Variants in ZFHX3 observed in about 807,000 individuals in gnomAD.
ZFHX3 encodes zinc finger homeobox protein 3.
Under a neutral mutation model 279.1 loss-of-function variants are expected in ZFHX3, and 42 were observed. That is an observed-to-expected ratio of 0.15 (90% CI 0.12 to 0.19). The LOEUF (loss-of-function observed/expected upper bound fraction) is 0.19. Among genes scored for constraint, ZFHX3 ranks in the 10% least tolerant of loss-of-function variants. ZFHX3 has a pLI of 1.00. For missense variants in ZFHX3, 4,981 were observed against 4,754.0 expected (o/e 1.05, Z -1.40); for synonymous variants, 2,293 against 1,957.8 (o/e 1.17, Z -4.52).
intron 5 of ZFHX3, among the ~76,000 whole-genome samples, chr16:73,200,422 T>G (rs1968245243): frequency 6.6e-6 from 1 of 152,184 alleles, no homozygotes; most frequent in East Asian, 1.9e-4. Flanking sequence ...GAAGGAAAAT[T>G]TAATATTATC....
intron 4 of ZFHX3, among the ~76,000 whole-genome samples, chr16:72,873,877 A>C (rs1281780303): frequency 6.6e-6 from 1 of 152,216 alleles, no homozygotes; most frequent in Non-Finnish European, 1.5e-5. Context: ...ACAGATTTCC[A>C]CCACATAATC....
chr16:73,026,689 A>AAAAAAAAAAAAAAC (rs1555543115), intron 1 of ZFHX3, among the ~76,000 whole-genome samples: 3 of 150,724 alleles, frequency 2.0e-5, no homozygotes, highest in East Asian at 1.9e-4. Flanking sequence ...AAAAAAAAAA[A>AAAAAAAAAAAAAAC]AAAAAACACA....
At chr16:73,842,718 C>T (rs1014043687) in intron 1 of ZFHX3, among the ~76,000 whole-genome samples, 2 of 152,124 alleles carry the variant, frequency 1.3e-5, no homozygotes. Flanking sequence ...ATTCCAGGGA[C>T]CTAACACTTC....
At position 72,794,757 on chromosome 16, in the gene ZFHX3, T is replaced by C. The variant is rs905469813; in HGVS notation, c.7925A>G (p.Lys2642Arg). ...CGGTGTGATGGTTGTTCTCAAACGC[T>C]TGTCTCTCTGAGGCTCTTCTCCTCC... ...GTGGEEPQRD[K>R]RLRTTITPEQ... The change falls in exon 9 of 10, where the codon AAG (lysine) becomes AGG (arginine). Residue 2642 changes from lysine to arginine, a missense_variant. Around this residue, in one of 7 missense-constraint regions of ZFHX3, gnomAD observed 744 missense variants for 701.3 expected, o/e 1.06. Transcript: ENST00000268489. This position sits in a 1 kb window ranked among gnomAD's most constrained non-coding sequence, Gnocchi z 4.2. 1 of 1,614,220 alleles carries C rather than the reference T, an allele frequency of 6.2e-7. No individual in the cohort carries two copies. The highest frequency in any genetic ancestry group is 8.5e-7 in the Non-Finnish European group (1 of 1,180,034).
chr16:73,655,761 G>C (rs1360979290), intron 2 of ZFHX3, among the ~76,000 whole-genome samples: 1 of 152,096 alleles, frequency 6.6e-6, no homozygotes, highest in Non-Finnish European at 1.5e-5. Context: ...CACTTCTAGT[G>C]AGAGTATAAA....
chr16:73,685,427 G>C (rs1211042760), intron 1 of ZFHX3, among the ~76,000 whole-genome samples: 2 of 152,228 alleles, frequency 1.3e-5, no homozygotes, highest in Non-Finnish European at 2.9e-5. Context: ...AGCAGGCCAT[G>C]AGCCAAGGAA....
In ZFHX3 at chr16:72,976,022, T is replaced by C. The variant is rs937666386; in HGVS notation, c.-49-15828A>G. On this transcript the variant is annotated intron_variant, in intron 1 of 9. Transcript: ENST00000268489. ...GTTAGGTCTGGTCCCAGGGGAGAAA[T>C]TGCCAGCTCAAGTCATAAAATGTGA... Among the ~76,000 whole-genome samples the C allele has an allele frequency of 4.6e-5, 7 of 152,266 alleles. No individual in the cohort carries two copies. The Middle Eastern group carries it at 0.01, about 222-fold the overall frequency.
intron 1 of ZFHX3, among the ~76,000 whole-genome samples, chr16:73,732,318 C>T (rs1050014851): frequency 6.6e-6 from 1 of 152,170 alleles, no homozygotes; most frequent in Non-Finnish European, 1.5e-5. Context: ...GCCTAATGAT[C>T]CATGGAATTA....
At chr16:73,105,396 T>TATATATATATACACACACACACAC (rs1567389819) in intron 7 of ZFHX3, among the ~76,000 whole-genome samples, 13 of 33,080 alleles carry the variant, frequency 3.9e-4, no homozygotes, top group Non-Finnish European at 9.0e-4. Context: ...CACACACACA[T>TATATATATATACACACACACACAC]ATATATATAT....
At chr16:73,348,694 C>G (rs1264691536) in intron 3 of ZFHX3, among the ~76,000 whole-genome samples, 1 of 152,242 alleles carries the variant, frequency 6.6e-6, no homozygotes, top group Non-Finnish European at 1.5e-5. Flanking sequence ...CTCACACGTT[C>G]TTTGCACTGA....
intron 1 of ZFHX3, among the ~76,000 whole-genome samples, chr16:72,982,881 G>A (rs1440721098): frequency 1.3e-5 from 2 of 152,190 alleles, no homozygotes; most frequent in Non-Finnish European, 2.9e-5. Flanking sequence ...GATGTAATAA[G>A]CTGTCAACGT....
At chr16:73,298,755 G>A (rs1465985379) in intron 4 of ZFHX3, among the ~76,000 whole-genome samples, 1 of 152,102 alleles carries the variant, frequency 6.6e-6, no homozygotes, top group Non-Finnish European at 1.5e-5. Flanking sequence ...GGGAGATGCT[G>A]TAAGCAAAAG....
intron 1 of ZFHX3, among the ~76,000 whole-genome samples, chr16:72,994,969 T>C (rs1963230188): frequency 1.3e-5 from 2 of 152,126 alleles, no homozygotes; most frequent in Admixed American, 6.5e-5. Context: ...GTTAAGGTAA[T>C]CCAATTACAC....
chr16:72,872,544 G>A (rs572380136), intron 4 of ZFHX3, among the ~76,000 whole-genome samples: 7 of 152,208 alleles, frequency 4.6e-5, no homozygotes, highest in East Asian at 3.9e-4. Context: ...TGCAACCTCC[G>A]TCTCCCGGGT....
At chr16:73,196,432 C>A (rs1968150916) in intron 5 of ZFHX3, among the ~76,000 whole-genome samples, 1 of 151,944 alleles carries the variant, frequency 6.6e-6, no homozygotes, top group Admixed American at 6.6e-5. Flanking sequence ...CCTAGTGACG[C>A]CATATTTGTA....
At chr16:73,496,576 T>C (rs989061417) in intron 2 of ZFHX3, among the ~76,000 whole-genome samples, 21 of 152,156 alleles carry the variant, frequency 1.4e-4, no homozygotes, top group Non-Finnish European at 2.9e-5. Flanking sequence ...ATTAGCCATA[T>C]ACCAAAGTGG....
intron 7 of ZFHX3, among the ~76,000 whole-genome samples, chr16:73,119,787 G>T (rs1966475129): frequency 6.6e-6 from 1 of 152,146 alleles, no homozygotes. Flanking sequence ...AGTTCAAGTG[G>T]CTGGCTTCAG....
At chr16:72,802,646 C>T (rs979637325) in intron 7 of ZFHX3, among the ~76,000 whole-genome samples, 2 of 152,168 alleles carry the variant, frequency 1.3e-5, no homozygotes, top group Non-Finnish European at 2.9e-5. Context: ...TCCTAAGGAT[C>T]TGGAAATTCA....
chr16:73,149,656 G>A (rs918098637), intron 5 of ZFHX3, among the ~76,000 whole-genome samples: 3 of 152,110 alleles, frequency 2.0e-5, no homozygotes, highest in Non-Finnish European at 2.9e-5. Context: ...CTACTACTCC[G>A]TCTCTGACTG....
Sources: allele counts gnomAD v4.1 joint callset (sites outside exome capture counted in the v4.1 genomes callset), GRCh38; gene constraint gnomAD v4.1.1; regional missense constraint gnomAD v4.1.1; non-coding constraint Gnocchi (gnomAD v3.1); transcripts MANE v1.5; gene names NCBI Gene and HGNC (gene_info 2026-07-23, HGNC 2026-07-21).